Variants in MCF2L2 observed in about 807,000 individuals in gnomAD.
MCF2L2 encodes the protein probable guanine nucleotide exchange factor MCF2L2.
In MCF2L2, 102 loss-of-function variants were observed where a neutral mutation model predicts 150.2. That is an observed-to-expected ratio of 0.68 (90% CI 0.58 to 0.80). MCF2L2 has a LOEUF of 0.80. Ranked by LOEUF, MCF2L2 falls within the 30% of genes least tolerant of loss-of-function variation. MCF2L2 has a pLI of 0.00. For missense variants in MCF2L2, 1,256 were observed against 1,372.8 expected (o/e 0.91, Z 1.34); for synonymous variants, 465 against 491.3 (o/e 0.95, Z 0.71).
At chr3:183,196,937 T>C (rs1722101531) in intron 25 of MCF2L2, among the ~76,000 whole-genome samples, 1 of 152,102 alleles carries the variant, frequency 6.6e-6, no homozygotes, top group Non-Finnish European at 1.5e-5. Context: ...ACTGAATAAG[T>C]GTCATATCTT....
intron 15 of MCF2L2, among the ~76,000 whole-genome samples, chr3:183,235,623 G>A (rs533041030): frequency 9.8e-6 from 1 of 102,398 alleles, no homozygotes; most frequent in Non-Finnish European, 1.8e-5. Context: ...AGTAGGTTGC[G>A]AAAATTTTCT....
At chr3:183,311,564 G>A (rs1560015762) in intron 8 of MCF2L2, 84 bp downstream of exon 8, 1 of 1,494,858 alleles carries the variant, frequency 6.7e-7, no homozygotes, top group Non-Finnish European at 9.1e-7. Flanking sequence ...AATATTGGCT[G>A]TTCCAATCTG....
intron 27 of MCF2L2, among the ~76,000 whole-genome samples, chr3:183,185,470 G>T (rs968884317): frequency 1.3e-5 from 2 of 152,210 alleles, no homozygotes; most frequent in Admixed American, 6.5e-5. Flanking sequence ...TCTCCATTTT[G>T]TAAAATGAAT....
intron 10 of MCF2L2, among the ~76,000 whole-genome samples, chr3:183,302,679 C>T (rs1305546845): frequency 6.6e-6 from 1 of 152,068 alleles, no homozygotes; most frequent in African/African-American, 2.4e-5. Flanking sequence ...GGCTGGTCAC[C>T]AAACTAGCTC....
chr3:183,206,192 T>G lies in MCF2L2; in HGVS notation c.2735A>C (p.Gln912Pro). ...TMKLMTLSIR[Q>P]LGRGSHRKFE... ...CTTTCTATGGCTCCCCCTTCCAAGC[T>G]GGCGAATTGAAAGTGTCATCAGCTA... Residue 912 changes from glutamine to proline, a missense_variant, in exon 24 of 30, where the codon CAG becomes CCG. Transcript: ENST00000328913. 6.2e-7 allele frequency: 1 copy of G among 1,614,116 alleles called. No homozygotes were observed. The highest frequency in any genetic ancestry group is 8.5e-7 in the Non-Finnish European group (1 of 1,179,952).
At chr3:183,312,525 G>C (rs900305244) in intron 7 of MCF2L2, among the ~76,000 whole-genome samples, 1 of 152,218 alleles carries the variant, frequency 6.6e-6, no homozygotes, top group Non-Finnish European at 1.5e-5. Flanking sequence ...TTGTGCTTGG[G>C]AATTATGGGT....
rs753464554 is a variant in MCF2L2 at position 183,231,625 on chromosome 3, C to CT, written c.1863-609dup. The stretch of plus-strand genomic sequence containing the variant: ...ATGCACCATCACACCCAGCTAACGC[C>CT]TTTTTTTTTTTTTGGTAGAGATGAG... On this transcript the variant is annotated intron_variant, in intron 15 of 29. Transcript: ENST00000328913. Among the ~76,000 whole-genome samples, 1,134 of 143,334 alleles carry CT rather than the reference C, an allele frequency of 7.9e-3. 6 individuals carry two copies. The highest frequency in any genetic ancestry group is 0.012 in the African/African-American group (462 of 39,360). The allele number at this position is 143,334 out of a possible 152,430, so 94.0% of individuals were successfully genotyped here.
At chr3:183,348,544 AT>A (rs1423053060) in intron 3 of MCF2L2, among the ~76,000 whole-genome samples, 2 of 152,150 alleles carry the variant, frequency 1.3e-5, no homozygotes, top group African/African-American at 4.8e-5. Context: ...CTGCACATGT[AT>A]CCCAAAACTT....
intron 27 of MCF2L2, among the ~76,000 whole-genome samples, chr3:183,186,670 T>A (rs1417504810): frequency 6.6e-6 from 1 of 152,240 alleles, no homozygotes; most frequent in Non-Finnish European, 1.5e-5. Flanking sequence ...GAGGTTGCAG[T>A]GAGCCAAGTT....
intron 5 of MCF2L2, among the ~76,000 whole-genome samples, chr3:183,330,245 G>GAAAAAAAA (rs200391954): frequency 1.6e-4 from 9 of 57,338 alleles, no homozygotes; most frequent in African/African-American, 5.0e-4. Flanking sequence ...ACCCTGTCTT[G>GAAAAAAAA]AAAAAAAAAA....
intron 15 of MCF2L2, chr3:183,253,865 C>T (rs1724748926): frequency 6.6e-6 from 1 of 152,238 alleles, no homozygotes; most frequent in Non-Finnish European, 1.5e-5. Flanking sequence ...GTGCCGCGGC[C>T]GCATCTTTCC....
intron 18 of MCF2L2, chr3:183,224,821 G>A (rs918075250): frequency 3.3e-5 from 5 of 152,352 alleles, no homozygotes; most frequent in African/African-American, 9.6e-5. Flanking sequence ...TGACTGTTTC[G>A]GAGCTAGAGA....
chr3:183,387,885 T>G (rs1713922082), intron 2 of MCF2L2, among the ~76,000 whole-genome samples: 1 of 136,468 alleles, frequency 7.3e-6, no homozygotes, highest in African/African-American at 2.8e-5. Flanking sequence ...TGAGTTGAGA[T>G]CGTGCTATTG....
chr3:183,380,108 T>C (rs1418672956), intron 2 of MCF2L2, among the ~76,000 whole-genome samples: 1 of 152,166 alleles, frequency 6.6e-6, no homozygotes, highest in African/African-American at 2.4e-5. Flanking sequence ...TAAATAGTAA[T>C]TTAAGATATC....
At chr3:183,401,412 CT>C (rs955631460) in intron 1 of MCF2L2, among the ~76,000 whole-genome samples, 4 of 151,862 alleles carry the variant, frequency 2.6e-5, no homozygotes, top group African/African-American at 9.7e-5. Flanking sequence ...AACTGGAAGA[CT>C]TTTTTAAAAA....
At chr3:183,183,078 C>T (rs1721586423) in intron 27 of MCF2L2, among the ~76,000 whole-genome samples, 1 of 152,212 alleles carries the variant, frequency 6.6e-6, no homozygotes, top group Non-Finnish European at 1.5e-5. Context: ...TCACTGCAGC[C>T]TTGACTTCCT....
intron 3 of MCF2L2, 129 bp from the exon 4 acceptor site, chr3:183,341,759 C>A: frequency 1.6e-6 from 1 of 637,794 alleles, no homozygotes; most frequent in Non-Finnish European, 2.8e-6. Context: ...CTGCACAGCA[C>A]AACCAACTCC....
chr3:183,250,958 C>T (rs1724492369), intron 15 of MCF2L2, among the ~76,000 whole-genome samples: 1 of 152,220 alleles, frequency 6.6e-6, no homozygotes, highest in African/African-American at 2.4e-5. Context: ...CTCAGCACTC[C>T]ACCCGTCACT....
rs1316524347 is a variant in MCF2L2, at chr3:183,351,228, ATATATATATT to A, written c.276-9608_276-9599del. On this transcript the variant is annotated intron_variant, in intron 3 of 29. Transcript: ENST00000328913. ...TATATATATATATATATATATATAT[ATATATATATT>A]TATTTATTTATTTATCAGAACCCCA... Among the ~76,000 whole-genome samples, 86 of 87,792 alleles carry A rather than the reference ATATATATATT, an allele frequency of 9.8e-4. 2 individuals carry two copies. Among genetic ancestry groups the A allele is most frequent in the Middle Eastern group, 0.011 (2 of 188 alleles). The allele number at this position is 87,792 out of a possible 152,430, so 57.6% of individuals were successfully genotyped here.
Sources: gnomAD v4.1 joint callset for allele counts (sites outside exome capture counted in the v4.1 genomes callset) on GRCh38, gnomAD v4.1.1 for gene constraint, MANE v1.5 for transcripts, NCBI Gene and HGNC (gene_info 2026-07-23, HGNC 2026-07-21) for gene names.